Variants in NRG3 observed in about 807,000 individuals in gnomAD.
The protein encoded by NRG3 is pro-neuregulin-3, membrane-bound isoform.
Under a neutral mutation model 66.9 loss-of-function variants are expected in NRG3, and 31 were observed. The ratio of observed to expected loss-of-function variants is 0.46; its 90% CI spans 0.35 to 0.63. The LOEUF is 0.63. Among genes scored for constraint, NRG3 ranks in the 20% least tolerant of loss-of-function variants. The probability of loss-of-function intolerance (pLI) is 0.00; values close to 1 mark genes in which losing one functional copy is unlikely to be tolerated. For missense variants in NRG3, 910 were observed against 878.9 expected, an observed-to-expected ratio of 1.04 and a Z score of -0.45; for synonymous variants, 393 against 359.4, an observed-to-expected ratio of 1.09 and a Z score of -1.06.
chr10:82,287,897 T>C (rs1215745262), intron 1 of NRG3, among the ~76,000 whole-genome samples: 1 of 152,166 alleles, frequency 6.6e-6, no homozygotes, highest in Non-Finnish European at 1.5e-5. Flanking sequence ...CAGCATGCCA[T>C]CCAGTGGTCC....
intron 4 of NRG3, among the ~76,000 whole-genome samples, chr10:82,872,937 G>T (rs542410107): frequency 6.6e-6 from 1 of 152,044 alleles, no homozygotes; most frequent in Admixed American, 6.6e-5. Context: ...ATCAGCTTCC[G>T]AGAGTCACCA....
In NRG3 at chr10:82,396,816, T is replaced by C. The variant is rs75764887; in HGVS notation, c.953+37948T>C. On this transcript the variant is annotated intron_variant, in intron 2 of 8. Transcript: ENST00000372141. ...CTCTCTCACTCTGTGTGTGTGTGTG[T>C]GCATGTGGTTAAACTATGGATTTCT... Among the ~76,000 whole-genome samples the C allele has an allele frequency of 5.3e-3, 814 of 152,284 alleles. 7 individuals are homozygous for C. Among genetic ancestry groups the C allele is most frequent in the African/African-American group, 0.019 (793 of 41,558 alleles).
chr10:82,837,400 G>T (rs2062835839), intron 3 of NRG3, among the ~76,000 whole-genome samples: 1 of 152,048 alleles, frequency 6.6e-6, no homozygotes, highest in Non-Finnish European at 1.5e-5. Flanking sequence ...TTTGTGCTAA[G>T]TTTTGAGGAT....
chr10:82,221,336 A>C (rs2133777877), intron 1 of NRG3, among the ~76,000 whole-genome samples: 1 of 151,906 alleles, frequency 6.6e-6, no homozygotes, highest in African/African-American at 2.4e-5. Context: ...TGTCTTATAT[A>C]TTCTCTCAGA....
chr10:82,855,175 T>C (rs184363648), intron 3 of NRG3, among the ~76,000 whole-genome samples: 2 of 152,282 alleles, frequency 1.3e-5, no homozygotes, highest in Admixed American at 1.3e-4. Context: ...GTGGTATTCG[T>C]CATGATGATA....
intron 2 of NRG3, among the ~76,000 whole-genome samples, chr10:82,671,895 T>C (rs1445228715): frequency 6.6e-6 from 1 of 152,224 alleles, no homozygotes. Flanking sequence ...TTTTGATTAA[T>C]TAAATGAGTG....
chr10:82,213,966 G>A (rs781602018), intron 1 of NRG3, among the ~76,000 whole-genome samples: 5 of 152,128 alleles, frequency 3.3e-5, no homozygotes, highest in Non-Finnish European at 7.3e-5. Context: ...GAGGCACTGG[G>A]CTCTTTCTCT....
At chr10:82,267,204 G>A (rs2078343438) in intron 1 of NRG3, among the ~76,000 whole-genome samples, 1 of 152,108 alleles carries the variant, frequency 6.6e-6, no homozygotes, top group South Asian at 2.1e-4. Flanking sequence ...CTAGGACTTT[G>A]CATTTTTTTT....
chr10:82,891,269 A>C (rs1345350492), intron 4 of NRG3, among the ~76,000 whole-genome samples: 1 of 151,888 alleles, frequency 6.6e-6, no homozygotes, highest in Admixed American at 6.6e-5. Flanking sequence ...GTCTGCTTAA[A>C]ATACATATTC....
intron 1 of NRG3, among the ~76,000 whole-genome samples, chr10:82,310,440 C>T (rs955474054): frequency 3.9e-5 from 6 of 152,172 alleles, no homozygotes; most frequent in Non-Finnish European, 8.8e-5. Context: ...TTCTCTACAA[C>T]ATAAAACAGT....
chr10:82,701,708 G>C (rs1391063849), intron 2 of NRG3, among the ~76,000 whole-genome samples: 1 of 152,134 alleles, frequency 6.6e-6, no homozygotes, highest in Non-Finnish European at 1.5e-5. Flanking sequence ...CTTTACATTT[G>C]TTGAGCACTT....
At chr10:82,021,070 GAC>G (rs1370675159) in intron 1 of NRG3, among the ~76,000 whole-genome samples, 6 of 151,974 alleles carry the variant, frequency 3.9e-5, no homozygotes, top group Non-Finnish European at 8.8e-5. Flanking sequence ...CTATATTTAG[GAC>G]ACAGACCAAT....
intron 1 of NRG3, among the ~76,000 whole-genome samples, chr10:82,197,858 T>C (rs1297789111): frequency 6.6e-6 from 1 of 152,194 alleles, no homozygotes; most frequent in Admixed American, 6.5e-5. Context: ...TTCCCAAATA[T>C]GTTAATTATT....
At chr10:82,905,135 A>G (rs942141557) in intron 4 of NRG3, among the ~76,000 whole-genome samples, 2 of 152,184 alleles carry the variant, frequency 1.3e-5, no homozygotes, top group Admixed American at 1.3e-4. Flanking sequence ...CAATTTGGAA[A>G]TATTTACCCA....
At chr10:82,753,278 GTTTTT>G (rs1320212572) in intron 3 of NRG3, among the ~76,000 whole-genome samples, 1 of 151,932 alleles carries the variant, frequency 6.6e-6, no homozygotes, top group African/African-American at 2.4e-5. Flanking sequence ...TATTTTAAAA[GTTTTT>G]TATTTTTTCT....
At chr10:81,886,975 A>G (rs890673209) in intron 1 of NRG3, among the ~76,000 whole-genome samples, 2 of 152,086 alleles carry the variant, frequency 1.3e-5, no homozygotes, top group Non-Finnish European at 2.9e-5. Flanking sequence ...ACTTTTTTGT[A>G]TTATCTAAGT....
intron 2 of NRG3, among the ~76,000 whole-genome samples, chr10:82,557,790 C>T (rs1323867242): frequency 6.6e-6 from 1 of 152,112 alleles, no homozygotes; most frequent in Non-Finnish European, 1.5e-5. Context: ...ATTTAATCCT[C>T]ACAAATACCA....
At chr10:82,611,208 T>G (rs2048292337) in intron 2 of NRG3, among the ~76,000 whole-genome samples, 1 of 152,052 alleles carries the variant, frequency 6.6e-6, no homozygotes, top group Non-Finnish European at 1.5e-5. Context: ...GCAATGAGTT[T>G]TCATCGAAAC....
intron 2 of NRG3, among the ~76,000 whole-genome samples, chr10:82,689,609 T>G (rs1336058196): frequency 6.6e-6 from 1 of 152,188 alleles, no homozygotes; most frequent in African/African-American, 2.4e-5. Context: ...ATGTTTATGT[T>G]TAAAATTGTG....
Sources: gnomAD v4.1 joint callset for allele counts (sites outside exome capture counted in the v4.1 genomes callset) on GRCh38, gnomAD v4.1.1 for gene constraint, MANE v1.5 for transcripts, NCBI Gene and HGNC (gene_info 2026-07-23, HGNC 2026-07-21) for gene names.